AVEN: variants seen among roughly 807,000 people sequenced by gnomAD.
AVEN encodes apoptosis and caspase activation inhibitor.
AVEN carries 41 observed loss-of-function variants against 38.1 expected under a neutral mutation model. The observed-to-expected ratio is 1.08, with a 90% CI of 0.84 to 1.40. The LOEUF (loss-of-function observed/expected upper bound fraction) is 1.40, where lower values mean the gene tolerates loss of function less well. Among genes scored for constraint, AVEN ranks in the 40% most tolerant of loss-of-function variants. The probability of loss-of-function intolerance (pLI) is 0.00; values close to 1 mark genes in which losing one functional copy is unlikely to be tolerated. For missense variants in AVEN, 605 were observed against 438.8 expected (o/e 1.38, Z -3.38); for synonymous variants, 206 against 171.8 (o/e 1.20, Z -1.56).
At chr15:33,861,866 C>G (rs373950651), downstream of AVEN, among the ~76,000 whole-genome samples, 1 of 152,136 alleles carries the variant, frequency 6.6e-6, no homozygotes, top group Non-Finnish European at 1.5e-5. Context: ...CTCAGGTGAT[C>G]TGCCTGCCTC....
intron 5 of AVEN, among the ~76,000 whole-genome samples, chr15:34,060,787 T>C (rs1282509813): frequency 6.6e-6 from 1 of 152,016 alleles, no homozygotes; most frequent in Non-Finnish European, 1.5e-5. Context: ...GGAGAATTGC[T>C]TGAACCCAAG....
chr15:33,863,527 T>C (rs1331659491), downstream of AVEN, among the ~76,000 whole-genome samples: 1 of 152,170 alleles, frequency 6.6e-6, no homozygotes, highest in Non-Finnish European at 1.5e-5. Context: ...TCTGAGATCA[T>C]ATAATGTGAG....
At chr15:33,973,629 G>T (rs476814) in intron 2 of AVEN, among the ~76,000 whole-genome samples, 117,200 of 152,148 alleles carry the variant, frequency 0.77, 52,628 homozygotes, top group Non-Finnish European at 0.97. Flanking sequence ...ATCGCTTGAG[G>T]CCAGGAGTTC....
Position 34,063,170 on chromosome 15 carries a change from T to C in AVEN, n.1389A>G. ...CTCCGAAAAGGGCTGGCATCATGAT[T>C]GGCTTGGCCTGGCTGATCTCCTTCA... is the stretch of plus-strand genomic sequence containing the variant. On this transcript the variant is annotated non_coding_transcript_exon_variant, in exon 5 of 12. Transcript: ENST00000675287. The surrounding 1 kb of genome is among the most constrained non-coding windows in gnomAD (Gnocchi z 4.1). 6.2e-7 allele frequency: 1 copy of C among 1,614,188 alleles called. No homozygotes were observed. Among genetic ancestry groups the C allele is most frequent in the African/African-American group, 1.3e-5 (1 of 75,054 alleles).
chr15:34,071,366 C>A (rs867097296), intron 1 of AVEN, among the ~76,000 whole-genome samples: 1 of 152,124 alleles, frequency 6.6e-6, no homozygotes, highest in Admixed American at 6.5e-5. Context: ...CTCCATCTCC[C>A]AGGCTCAAGT....
intron 5 of AVEN, chr15:34,062,778 C>A (rs757707285): frequency 6.2e-7 from 1 of 1,614,122 alleles, no homozygotes; most frequent in Admixed American, 1.7e-5. Flanking sequence ...AAATCACCAG[C>A]CTTTGGAACG....
rs145884167 is a variant in AVEN, at chr15:33,921,002, C to T, written c.446-45007G>A. Among the ~76,000 whole-genome samples, 477 of 152,190 alleles carry T rather than the reference C, an allele frequency of 3.1e-3. 2 individuals carry two copies. The highest frequency in any genetic ancestry group is 0.014 in the Middle Eastern group (4 of 294). Reference sequence around the variant, plus strand: ...TGTTGCCCAGGCTAGTTTGGAACACCGGAGCTCAAGTAAGCCACCCACCTC... The same window carrying T: ...TGTTGCCCAGGCTAGTTTGGAACACTGGAGCTCAAGTAAGCCACCCACCTC... On this transcript the variant is annotated intron_variant, in intron 2 of 5. Transcript: ENST00000306730.
At chr15:33,887,534 T>C (rs1891753509) in intron 2 of AVEN, among the ~76,000 whole-genome samples, 1 of 152,168 alleles carries the variant, frequency 6.6e-6, no homozygotes, top group Non-Finnish European at 1.5e-5. Context: ...ATTTATTAAT[T>C]TTCATTTTTC....
chr15:33,951,979 C>A (rs148341102), intron 2 of AVEN, among the ~76,000 whole-genome samples: 102 of 152,272 alleles, frequency 6.7e-4, no homozygotes, highest in Non-Finnish European at 1.2e-3. Flanking sequence ...TTACTATACA[C>A]AATGTACCAT....
intron 1 of AVEN, among the ~76,000 whole-genome samples, chr15:34,008,914 TTAAGA>T (rs139308033): frequency 0.075 from 11,347 of 150,816 alleles, 549 homozygotes; most frequent in South Asian, 0.21. Context: ...CTCCATTTTG[TTAAGA>T]TAAAATTAAA....
chr15:33,928,100 G>A (rs1349223187), intron 2 of AVEN, among the ~76,000 whole-genome samples: 2 of 152,188 alleles, frequency 1.3e-5, no homozygotes, highest in Non-Finnish European at 2.9e-5. Flanking sequence ...GGGTAAAACT[G>A]TAGGCTAAAG....
At chr15:33,893,014 GCTCT>G (rs1226234670) in intron 2 of AVEN, among the ~76,000 whole-genome samples, 5 of 151,938 alleles carry the variant, frequency 3.3e-5, no homozygotes, top group Non-Finnish European at 7.4e-5. Context: ...TCATGATTTG[GCTCT>G]CTGTCTGTTA....
rs544376009 is a variant in AVEN at position 34,000,107 on chromosome 15, C to T, written c.445+2925G>A. 4.6e-5 allele frequency among the ~76,000 whole-genome samples: 7 copies of T among 152,276 alleles called. No homozygotes were observed. In the East Asian group the frequency reaches 1.3e-3, roughly 29 times the overall value. On this transcript the variant is annotated intron_variant, in intron 2 of 5. Coordinates refer to ENST00000306730, the MANE Select transcript of AVEN (RefSeq NM_020371.3). ...CTTTTCCCATAGATATCCTCACTTG[C>T]TCCCTCACCCTCCTCAGATCTTTGC... is the stretch of plus-strand genomic sequence containing the variant.
chr15:34,063,301 T>C lies in AVEN; in HGVS notation n.1258A>G. The C allele has an allele frequency of 6.2e-7, 1 of 1,614,174 alleles. No homozygotes were observed. Among genetic ancestry groups the C allele is most frequent in the Non-Finnish European group, 8.5e-7 (1 of 1,180,032 alleles). On this transcript the variant is annotated non_coding_transcript_exon_variant, in exon 5 of 12. Transcript: ENST00000675287. The surrounding 1 kb of genome is among the most constrained non-coding windows in gnomAD (Gnocchi z 4.1). ...TTTCTCTCTGAGCCCACCATCACTTTTGGCACTGCCATTGCTGCCTTCTAC... is the reference window on the plus strand; with the variant it reads ...TTTCTCTCTGAGCCCACCATCACTTCTGGCACTGCCATTGCTGCCTTCTAC...
chr15:34,021,290 CTTT>C (rs911480926), intron 1 of AVEN, among the ~76,000 whole-genome samples: 1 of 145,666 alleles, frequency 6.9e-6, no homozygotes, highest in Non-Finnish European at 1.5e-5. Flanking sequence ...TTTTCTGTAT[CTTT>C]TTTTTTTTTG....
intron 2 of AVEN, among the ~76,000 whole-genome samples, chr15:33,932,290 C>CA (rs1258156246): frequency 7.2e-5 from 11 of 152,138 alleles, no homozygotes; most frequent in African/African-American, 2.7e-4. Context: ...CAAGAGTCTC[C>CA]ATGTCCACCA....
intron 1 of AVEN, among the ~76,000 whole-genome samples, chr15:34,017,497 T>TTG (rs71119913): frequency 0.53 from 69,801 of 132,436 alleles, 20,039 homozygotes; most frequent in Non-Finnish European, 0.69. Flanking sequence ...TTTTTTTTTT[T>TTG]TTTGAGACAG....
chr15:34,010,356 G>A (rs919114914), intron 1 of AVEN, among the ~76,000 whole-genome samples: 3 of 152,094 alleles, frequency 2.0e-5, no homozygotes, highest in African/African-American at 7.2e-5. Context: ...GTTGCCAAGA[G>A]AATACTTACA....
At chr15:33,877,964 A>T (rs1891317585) in intron 2 of AVEN, among the ~76,000 whole-genome samples, 1 of 152,182 alleles carries the variant, frequency 6.6e-6, no homozygotes, top group South Asian at 2.1e-4. Flanking sequence ...AATAAATAAT[A>T]AATAAATAAA....
Sources: gnomAD v4.1 joint callset for allele counts (sites outside exome capture counted in the v4.1 genomes callset) on GRCh38, gnomAD v4.1.1 for gene constraint, Gnocchi (gnomAD v3.1) non-coding constraint, MANE v1.5 for transcripts, NCBI Gene and HGNC (gene_info 2026-07-23, HGNC 2026-07-21) for gene names.